Variants in TECRL observed in about 807,000 individuals in gnomAD.
TECRL encodes the protein trans-2,3-enoyl-CoA reductase like.
Under a neutral mutation model 52.8 loss-of-function variants are expected in TECRL, and 63 were observed. The ratio of observed to expected loss-of-function variants is 1.19; its 90% CI spans 0.97 to 1.47. The LOEUF is 1.47. TECRL is among the 40% of genes most tolerant of loss of function. TECRL has a pLI of 0.00. For missense variants in TECRL, 482 were observed against 429.6 expected (o/e 1.12, Z -1.08); for synonymous variants, 164 against 141.9 (o/e 1.16, Z -1.10).
chr4:64,343,605 C>CTT, intron 2 of TECRL, among the ~76,000 whole-genome samples: 1 of 152,032 alleles, frequency 6.6e-6, no homozygotes, highest in South Asian at 2.1e-4. Context: ...CACACACACA[C>CTT]TTACTTAAAA....
intron 1 of TECRL, among the ~76,000 whole-genome samples, chr4:64,380,482 A>G (rs141568991): frequency 6.6e-6 from 1 of 151,890 alleles, no homozygotes; most frequent in East Asian, 1.9e-4. Context: ...TTTTTTGCCT[A>G]ATGTTCTGAA....
intron 1 of TECRL, among the ~76,000 whole-genome samples, chr4:64,395,374 G>A (rs1186863627): frequency 6.6e-6 from 1 of 152,068 alleles, no homozygotes; most frequent in East Asian, 1.9e-4. Context: ...CTAATTTTAT[G>A]AGGAAAGAAA....
At chr4:64,366,467 T>A (rs971992265) in intron 2 of TECRL, among the ~76,000 whole-genome samples, 1 of 152,086 alleles carries the variant, frequency 6.6e-6, no homozygotes, top group Non-Finnish European at 1.5e-5. Context: ...ATCAATGAAG[T>A]GAATGAACAA....
At chr4:64,298,907 T>C (rs1723844150) in intron 8 of TECRL, 2 of 151,234 alleles carry the variant, frequency 1.3e-5, no homozygotes, top group South Asian at 4.1e-4. Flanking sequence ...TAGTACGCTG[T>C]ATACAACATT....
At chr4:64,390,465 T>A (rs1347697046) in intron 1 of TECRL, among the ~76,000 whole-genome samples, 1 of 151,816 alleles carries the variant, frequency 6.6e-6, no homozygotes, top group Non-Finnish European at 1.5e-5. Flanking sequence ...TCCACCACAT[T>A]TCTGTTCATT....
intron 4 of TECRL, among the ~76,000 whole-genome samples, chr4:64,315,012 TA>T (rs1245719063): frequency 2.0e-5 from 3 of 152,168 alleles, no homozygotes; most frequent in Non-Finnish European, 4.4e-5. Flanking sequence ...TCAGATATAG[TA>T]AAAAGGAGAT....
chr4:64,302,033 T>A (rs929156488), intron 7 of TECRL, among the ~76,000 whole-genome samples: 1 of 151,290 alleles, frequency 6.6e-6, no homozygotes. Flanking sequence ...TTTGATTATG[T>A]TGATAGTAGA....
At chr4:64,359,814 G>A (rs370081218) in intron 2 of TECRL, among the ~76,000 whole-genome samples, 14 of 152,060 alleles carry the variant, frequency 9.2e-5, no homozygotes, top group African/African-American at 3.4e-4. Context: ...AGTATCCGAC[G>A]ACATTAATAT....
chr4:64,313,904 C>T (rs1337264872), intron 5 of TECRL, among the ~76,000 whole-genome samples: 5 of 143,706 alleles, frequency 3.5e-5, no homozygotes, highest in South Asian at 2.2e-4. Flanking sequence ...GAAGCCGAGG[C>T]GGGCGGATCA....
intron 1 of TECRL, among the ~76,000 whole-genome samples, chr4:64,379,446 A>G (rs1722629136): frequency 6.6e-6 from 1 of 152,184 alleles, no homozygotes; most frequent in Non-Finnish European, 1.5e-5. Context: ...TAGAATATCC[A>G]TCACCTTAAA....
intron 7 of TECRL, chr4:64,304,932 G>T: frequency 3.2e-6 from 1 of 310,722 alleles, no homozygotes; most frequent in African/African-American, 2.2e-5. Flanking sequence ...CTGTTTTTTT[G>T]GAGGTTTACA....
At chr4:64,384,667 G>A (rs926521525) in intron 1 of TECRL, among the ~76,000 whole-genome samples, 2 of 152,078 alleles carry the variant, frequency 1.3e-5, no homozygotes, top group African/African-American at 2.4e-5. Flanking sequence ...GGCAGTGCCA[G>A]TTTGTATGGA....
At chr4:64,323,335 T>C (rs1350869797) in intron 3 of TECRL, among the ~76,000 whole-genome samples, 1 of 151,988 alleles carries the variant, frequency 6.6e-6, no homozygotes, top group African/African-American at 2.4e-5. Flanking sequence ...AGGTCAAGGC[T>C]ACAGTGAACT....
intron 1 of TECRL, among the ~76,000 whole-genome samples, chr4:64,400,616 G>A (rs765514343): frequency 6.6e-6 from 1 of 152,084 alleles, no homozygotes; most frequent in Non-Finnish European, 1.5e-5. Flanking sequence ...GGATCATGGG[G>A]GAAGATTTCT....
chr4:64,409,177 G>C lies in TECRL; in HGVS notation c.175C>G (p.His59Asp), dbSNP rs752006303. ...TPAVKHSKTT[H>D]FEIEIFDAQT... ...GCATCAAATATTTCAATCTCAAAGT[G>C]AGTCGTTTTTGAATGTTTGACTGCT... Residue 59 changes from histidine to aspartate, a missense_variant, in exon 1 of 12, where the codon CAC (histidine) becomes GAC (aspartate). Transcript: ENST00000381210. 1 of 1,613,660 alleles carries C rather than the reference G, an allele frequency of 6.2e-7. No individual in the cohort carries two copies. Among genetic ancestry groups the C allele is most frequent in the South Asian group, 1.1e-5 (1 of 91,046 alleles).
intron 8 of TECRL, among the ~76,000 whole-genome samples, chr4:64,294,719 C>T (rs1723583243): frequency 6.6e-6 from 1 of 151,944 alleles, no homozygotes; most frequent in African/African-American, 2.4e-5. Context: ...ATAACATATG[C>T]TCAGTTTGTT....
At chr4:64,392,042 A>G (rs1317501843) in intron 1 of TECRL, among the ~76,000 whole-genome samples, 2 of 151,930 alleles carry the variant, frequency 1.3e-5, no homozygotes, top group African/African-American at 4.8e-5. Flanking sequence ...CACATACTGC[A>G]TATATATCAC....
chr4:64,286,164 C>T (rs538144599), intron 9 of TECRL, among the ~76,000 whole-genome samples: 20 of 151,142 alleles, frequency 1.3e-4, no homozygotes, highest in African/African-American at 4.4e-4. Flanking sequence ...ATTTACAGAA[C>T]ACACACACAC....
At chr4:64,370,608 G>A (rs1721911174) in intron 2 of TECRL, among the ~76,000 whole-genome samples, 1 of 151,714 alleles carries the variant, frequency 6.6e-6, no homozygotes, top group Non-Finnish European at 1.5e-5. Context: ...AAAAATTCCA[G>A]TAATATCATC....
Sources: gnomAD v4.1 joint callset for allele counts (sites outside exome capture counted in the v4.1 genomes callset) on GRCh38, gnomAD v4.1.1 for gene constraint, MANE v1.5 for transcripts, NCBI Gene and HGNC (gene_info 2026-07-23, HGNC 2026-07-21) for gene names.